Variants in PIBF1 observed in about 807,000 individuals in gnomAD.
PIBF1 encodes the protein progesterone-induced-blocking factor 1.
PIBF1 carries 90 observed loss-of-function variants against 112.5 expected under a neutral mutation model. The ratio of observed to expected loss-of-function variants is 0.80; its 90% CI spans 0.67 to 0.95. PIBF1 has a LOEUF of 0.95. Ranked by LOEUF, PIBF1 falls within the 40% of genes least tolerant of loss-of-function variation. The pLI is 0.00. For missense variants in PIBF1, 915 were observed against 852.3 expected, an observed-to-expected ratio of 1.07 and a Z score of -0.92; for synonymous variants, 301 against 288.6, an observed-to-expected ratio of 1.04 and a Z score of -0.44.
chr13:72,965,639 A>G (rs1047860096), intron 15 of PIBF1, among the ~76,000 whole-genome samples: 1 of 152,218 alleles, frequency 6.6e-6, no homozygotes, highest in Non-Finnish European at 1.5e-5. Context: ...ACTTATGAGC[A>G]TAACATTCCA....
intron 5 of PIBF1, among the ~76,000 whole-genome samples, chr13:72,802,037 A>G (rs1382735612): frequency 1.3e-5 from 2 of 152,228 alleles, no homozygotes; most frequent in Non-Finnish European, 2.9e-5. Context: ...TATTGTAAGA[A>G]TACAGTATAT....
At chr13:72,825,432 T>C (rs1335452473) in intron 6 of PIBF1, among the ~76,000 whole-genome samples, 1 of 152,210 alleles carries the variant, frequency 6.6e-6, no homozygotes, top group East Asian at 1.9e-4. Context: ...CACATATAGA[T>C]ACATGACCCT....
intron 6 of PIBF1, among the ~76,000 whole-genome samples, chr13:72,824,169 A>G (rs1456553599): frequency 2.2e-5 from 3 of 135,814 alleles, no homozygotes; most frequent in Non-Finnish European, 4.6e-5. Context: ...GTGCGCCACC[A>G]TGCCCAGCTA....
At chr13:72,958,944 G>A (rs979233579) in intron 14 of PIBF1, among the ~76,000 whole-genome samples, 2 of 152,050 alleles carry the variant, frequency 1.3e-5, no homozygotes, top group African/African-American at 4.8e-5. Flanking sequence ...GATTCAGTAG[G>A]ACTGGGGCCC....
chr13:72,804,112 G>A (rs2035611963), intron 5 of PIBF1, among the ~76,000 whole-genome samples: 1 of 152,092 alleles, frequency 6.6e-6, no homozygotes, highest in African/African-American at 2.4e-5. Flanking sequence ...TCCAAAGGAA[G>A]TAGCAAGAAA....
At chr13:72,855,887 A>G (rs2138335451) in intron 10 of PIBF1, among the ~76,000 whole-genome samples, 1 of 152,300 alleles carries the variant, frequency 6.6e-6, no homozygotes, top group East Asian at 1.9e-4. Flanking sequence ...TGGCTCTAGA[A>G]TAAGATTTAT....
intron 16 of PIBF1, among the ~76,000 whole-genome samples, chr13:72,975,731 C>T (rs961247457): frequency 3.3e-5 from 5 of 152,142 alleles, no homozygotes; most frequent in Non-Finnish European, 5.9e-5. Flanking sequence ...CTTCTGAGTT[C>T]GGACATTCTA....
intron 9 of PIBF1, among the ~76,000 whole-genome samples, 153 bp from the exon 10 acceptor site, chr13:72,853,904 A>G (rs2038288794): frequency 6.6e-6 from 1 of 152,192 alleles, no homozygotes; most frequent in South Asian, 2.1e-4. Context: ...CTGCTCTTAG[A>G]TACTCAACCA....
At chr13:72,832,917 T>G (rs1474187076) in intron 8 of PIBF1, among the ~76,000 whole-genome samples, 10 of 152,194 alleles carry the variant, frequency 6.6e-5, no homozygotes, top group Admixed American at 6.5e-4. Flanking sequence ...TCAAACGTAT[T>G]TTTGTCTTTT....
chr13:73,012,575 C>CAAAAAAAAACA lies in PIBF1; in HGVS notation c.2224-3286_2224-3285insACAAAAAAAAA, dbSNP rs59833416. 1.6e-4 allele frequency among the ~76,000 whole-genome samples: 24 copies of CAAAAAAAAACA among 147,626 alleles called. No individual in the cohort carries two copies. In the East Asian group the frequency reaches 4.8e-3, roughly 30 times the overall value. Reference sequence around the variant, plus strand: ...ACCCTGTCTACACACACACACACACCAAAAAAAACAAAAAAAAACAAAAAA... The same window carrying CAAAAAAAAACA: ...ACCCTGTCTACACACACACACACACCAAAAAAAAACAAAAAAAAACAAAAAAAAACAAAAAA... On this transcript the variant is annotated intron_variant, in intron 17 of 17. Coordinates refer to ENST00000326291, the MANE Select transcript of PIBF1 (RefSeq NM_006346.4).
intron 12 of PIBF1, among the ~76,000 whole-genome samples, chr13:72,913,843 T>C (rs2040987117): frequency 6.6e-6 from 1 of 152,276 alleles, no homozygotes; most frequent in African/African-American, 2.4e-5. Context: ...ATAAATATTT[T>C]CTTAAAAGCT....
rs376213232 is a variant in PIBF1, at chr13:72,883,105, C to T, written c.1323-10679C>T. Reference sequence around the variant, plus strand: ...AACCCAAGTGTCCATCAACAGATACCGGATAAAGAAAATGTGGTACATATA... The same window carrying T: ...AACCCAAGTGTCCATCAACAGATACTGGATAAAGAAAATGTGGTACATATA... On this transcript the variant is annotated intron_variant, in intron 10 of 17. Coordinates refer to ENST00000326291, the MANE Select transcript of PIBF1 (RefSeq NM_006346.4). Among the ~76,000 whole-genome samples, 28 of 152,076 alleles carry T rather than the reference C, an allele frequency of 1.8e-4. 1 individual carries two copies. In the East Asian group the frequency reaches 2.5e-3, roughly 14 times the overall value.
intron 5 of PIBF1, among the ~76,000 whole-genome samples, chr13:72,810,161 C>T (rs572362889): frequency 2.5e-4 from 38 of 152,124 alleles, no homozygotes; most frequent in South Asian, 6.2e-4. Flanking sequence ...TATAAAAGTG[C>T]TTATAGATAA....
chr13:72,831,404 T>C (rs1054438373), intron 8 of PIBF1, among the ~76,000 whole-genome samples: 1 of 152,196 alleles, frequency 6.6e-6, no homozygotes, highest in African/African-American at 2.4e-5. Context: ...GGGCATTTAG[T>C]GCTATAAATT....
intron 14 of PIBF1, among the ~76,000 whole-genome samples, chr13:72,947,528 C>A (rs1400777287): frequency 6.6e-6 from 1 of 152,174 alleles, no homozygotes; most frequent in Non-Finnish European, 1.5e-5. Context: ...GCTCAAATTT[C>A]TCCCCAGAAA....
At chr13:72,839,221 A>G (rs1321290374) in intron 9 of PIBF1, among the ~76,000 whole-genome samples, 2 of 152,190 alleles carry the variant, frequency 1.3e-5, no homozygotes, top group South Asian at 2.1e-4. Context: ...ATCAGTAAAG[A>G]TGAGAGAAAT....
intron 2 of PIBF1, 50 bp from the exon 3 acceptor site, chr13:72,792,397 A>G: frequency 8.8e-7 from 1 of 1,134,218 alleles, no homozygotes; most frequent in Non-Finnish European, 1.3e-6. Context: ...TGAAACTGAA[A>G]GTTTTTCTTT....
At chr13:72,909,699 G>A (rs548380531) in intron 12 of PIBF1, among the ~76,000 whole-genome samples, 2 of 152,068 alleles carry the variant, frequency 1.3e-5, no homozygotes, top group East Asian at 3.9e-4. Context: ...CTCCATGTTG[G>A]TTAGGCGGTC....
chr13:72,873,792 T>C (rs12184849), intron 10 of PIBF1, among the ~76,000 whole-genome samples: 4,060 of 152,192 alleles, frequency 0.027, 75 homozygotes, highest in Non-Finnish European at 0.041. Flanking sequence ...AAATTGCTCT[T>C]CTGTTAATAA....
Sources: gnomAD v4.1 joint callset for allele counts (sites outside exome capture counted in the v4.1 genomes callset) on GRCh38, gnomAD v4.1.1 for gene constraint, MANE v1.5 for transcripts, NCBI Gene and HGNC (gene_info 2026-07-23, HGNC 2026-07-21) for gene names.